ARMC2: variants seen among roughly 807,000 people sequenced by gnomAD.
The protein encoded by ARMC2 is armadillo repeat containing 2.
A neutral mutation model predicts 90.3 loss-of-function variants in ARMC2; 67 were observed. The ratio of observed to expected loss-of-function variants is 0.74; its 90% CI spans 0.61 to 0.91. ARMC2 has a LOEUF of 0.91. Among genes scored for constraint, ARMC2 ranks in the 40% least tolerant of loss-of-function variants. ARMC2 has a pLI of 0.00. For missense variants in ARMC2, 920 were observed against 1,030.9 expected, an observed-to-expected ratio of 0.89 and a Z score of 1.47; for synonymous variants, 393 against 393.0, an observed-to-expected ratio of 1.00 and a Z score of 0.00.
chr6:108,881,296 C>CCCTACCTTCCTTCCTTCCTTCCTT (rs1554239373), intron 5 of ARMC2, among the ~76,000 whole-genome samples: 10 of 78,176 alleles, frequency 1.3e-4, no homozygotes, highest in Admixed American at 4.4e-4. Context: ...CCCTCCCCTC[C>CCCTACCTTCCTTCCTTCCTTCCTT]CCTTCCTTCC....
intron 10 of ARMC2, 29 bp from the exon 11 acceptor site, chr6:108,928,059 A>G (rs772059598): frequency 1.1e-5 from 18 of 1,576,072 alleles, no homozygotes; most frequent in Non-Finnish European, 1.5e-5. Flanking sequence ...CAGTTCAAAA[A>G]AAATGGCACA....
chr6:108,926,210 G>T (rs1481498005), intron 10 of ARMC2, among the ~76,000 whole-genome samples: 1 of 152,112 alleles, frequency 6.6e-6, no homozygotes, highest in Non-Finnish European at 1.5e-5. Flanking sequence ...GTATTTCATG[G>T]TTTCCCATGA....
At chr6:108,958,266 T>C (rs1298015938) in intron 13 of ARMC2, among the ~76,000 whole-genome samples, 1 of 152,106 alleles carries the variant, frequency 6.6e-6, no homozygotes, top group Non-Finnish European at 1.5e-5. Flanking sequence ...TTCCTGTTGG[T>C]TCAAGCCACC....
chr6:109,043,193 C>G, the ARMC2 span, among the ~76,000 whole-genome samples: 1 of 152,042 alleles, frequency 6.6e-6, no homozygotes, highest in Non-Finnish European at 1.5e-5. Context: ...GTGGGAGTTA[C>G]CTCAGCTTAA....
At chr6:108,991,344 C>T in the ARMC2 span, among the ~76,000 whole-genome samples, 3 of 152,118 alleles carry the variant, frequency 2.0e-5, no homozygotes, top group East Asian at 1.9e-4. Context: ...TGGGCTCAAG[C>T]GATCCTCCCT....
intron 8 of ARMC2, among the ~76,000 whole-genome samples, chr6:108,909,756 G>A (rs1423516099): frequency 2.6e-5 from 4 of 152,130 alleles, no homozygotes; most frequent in Non-Finnish European, 2.9e-5. Context: ...GGCTGGTCTC[G>A]AACTCCTGAC....
chr6:109,014,928 T>C, the ARMC2 span, among the ~76,000 whole-genome samples: 13 of 152,216 alleles, frequency 8.5e-5, no homozygotes, highest in African/African-American at 3.1e-4. Context: ...TTTATTTAGT[T>C]TGTCTCAATA....
chr6:109,010,776 A>C, the ARMC2 span, among the ~76,000 whole-genome samples: 1 of 152,242 alleles, frequency 6.6e-6, no homozygotes, highest in Admixed American at 6.5e-5. Context: ...AGAAAAGGCT[A>C]CAGAGGCTTC....
intron 11 of ARMC2, among the ~76,000 whole-genome samples, chr6:108,932,039 A>G (rs1007663613): frequency 6.6e-6 from 1 of 151,884 alleles, no homozygotes; most frequent in African/African-American, 2.4e-5. Context: ...TGCTGGGATT[A>G]TAGGCGTGAG....
intron 4 of ARMC2, 109 bp from the exon 5 acceptor site, chr6:108,876,034 T>C (rs1241447937): frequency 2.0e-5 from 19 of 972,260 alleles, no homozygotes; most frequent in Middle Eastern, 3.2e-4. Flanking sequence ...TTATAAGCAA[T>C]GTATAACTTT....
At chr6:108,881,039 A>G (rs1777493025) in intron 5 of ARMC2, among the ~76,000 whole-genome samples, 1 of 151,886 alleles carries the variant, frequency 6.6e-6, no homozygotes, top group Non-Finnish European at 1.5e-5. Context: ...TATTTTTAGT[A>G]GAGATGGGGT....
the ARMC2 span, among the ~76,000 whole-genome samples, chr6:109,007,756 G>A: frequency 6.9e-6 from 1 of 144,490 alleles, no homozygotes; most frequent in East Asian, 2.0e-4. Context: ...ATACTAATAG[G>A]TAATTCAGAA....
the ARMC2 span, among the ~76,000 whole-genome samples, chr6:108,981,898 C>T: frequency 1.3e-5 from 2 of 152,076 alleles, no homozygotes. Flanking sequence ...AACTCCAGGC[C>T]TCAAGTGATC....
chr6:109,043,778 C>A, the ARMC2 span, among the ~76,000 whole-genome samples: 11 of 152,168 alleles, frequency 7.2e-5, no homozygotes, highest in Non-Finnish European at 1.0e-4. Flanking sequence ...TTTTTCCCAT[C>A]TGTAAGTTCA....
In ARMC2 at chr6:108,961,868, G is replaced by A. The variant is rs1248058554; in HGVS notation, c.2039-146G>A. 3.0e-6 allele frequency: 3 copies of A among 999,728 alleles called. No homozygotes were observed. In the Admixed American group the frequency reaches 9.1e-5, roughly 30 times the overall value. 61.9% of individuals were successfully genotyped at this position (999,728 alleles called of 1,614,324 possible). A position where few individuals can be genotyped will look rare whatever the true frequency, so the allele number is the denominator to read the frequency against. On this transcript the variant is annotated intron_variant, in intron 14 of 17. Coordinates refer to ENST00000392644, the MANE Select transcript of ARMC2 (RefSeq NM_032131.6). ...GGGAAACTAGAAATGGGAAAAATTA[G>A]TTTCTTAGTTCTTGCTAAAGTCCCT... is the stretch of plus-strand genomic sequence containing the variant.
chr6:109,000,765 T>G, the ARMC2 span: 1 of 1,078,564 alleles, frequency 9.3e-7, no homozygotes, highest in Non-Finnish European at 1.2e-6. Context: ...CTAATTAAGT[T>G]TATTAGTATG....
At chr6:109,009,419 A>G in the ARMC2 span, 1 of 1,453,872 alleles carries the variant, frequency 6.9e-7, no homozygotes, top group Admixed American at 2.5e-5. Context: ...AGACCGCCAA[A>G]GGGGCCGTGT....
chr6:109,018,673 T>C, the ARMC2 span, among the ~76,000 whole-genome samples: 8 of 152,242 alleles, frequency 5.3e-5, no homozygotes, highest in Non-Finnish European at 2.9e-5. Context: ...AGAATGCAAG[T>C]AGTTGTTTGA....
At chr6:108,950,696 C>T (rs113677363) in intron 12 of ARMC2, among the ~76,000 whole-genome samples, 15 of 152,202 alleles carry the variant, frequency 9.9e-5, no homozygotes, top group South Asian at 4.1e-4. Flanking sequence ...ACCTGGGTGA[C>T]GAAATAATCT....
Sources: allele counts gnomAD v4.1 joint callset (sites outside exome capture counted in the v4.1 genomes callset), GRCh38; gene constraint gnomAD v4.1.1; transcripts MANE v1.5; gene names NCBI Gene and HGNC (gene_info 2026-07-23, HGNC 2026-07-21).